PANK4: variants seen among roughly 807,000 people sequenced by gnomAD.
The protein encoded by PANK4 is pantothenate kinase 4 (inactive).
A neutral mutation model predicts 87.9 loss-of-function variants in PANK4; 40 were observed. That is an observed-to-expected ratio of 0.46 (90% CI 0.35 to 0.59). The LOEUF (loss-of-function observed/expected upper bound fraction) is 0.59. Among genes scored for constraint, PANK4 ranks in the 20% least tolerant of loss-of-function variants. The pLI, the probability that PANK4 is intolerant of heterozygous loss-of-function variation, is 0.00. For synonymous variants in PANK4, 524 were observed against 467.4 expected, an observed-to-expected ratio of 1.12 and a Z score of -1.56; for missense variants, 926 against 1,072.3, an observed-to-expected ratio of 0.86 and a Z score of 1.90.
In PANK4 at chr1:2,521,521, G is replaced by A. The variant is rs1643875118; in HGVS notation, c.207+197C>T. ...AGGAGCGGAAGCCTCTCCCGGGGGAGCACAGGCGGGCGCAGGTTCCTACAA... is the reference window on the plus strand; with the variant it reads ...AGGAGCGGAAGCCTCTCCCGGGGGAACACAGGCGGGCGCAGGTTCCTACAA... On this transcript the variant is annotated intron_variant, in intron 2 of 18. Coordinates refer to ENST00000378466, the MANE Select transcript of PANK4 (RefSeq NM_018216.4). 4.3e-6 allele frequency: 3 copies of A among 689,730 alleles called. No homozygotes were observed. The Admixed American group carries it at 6.6e-5, about 15-fold the overall frequency. The allele number at this position is 689,730 out of a possible 1,614,324, so 42.7% of individuals were successfully genotyped here.
In PANK4 at chr1:2,520,155, C is replaced by A. The variant is rs1643862905; in HGVS notation, c.699+167G>T. On this transcript the variant is annotated intron_variant, in intron 5 of 18. Transcript: ENST00000378466. This position sits in a 1 kb window ranked among gnomAD's most constrained non-coding sequence, Gnocchi z 6.2. ...AGAAGCTCTGGGTTGCTGGGACACC[C>A]AACCCTCAGGGCGCAAAGAGTGAAG... is the stretch of plus-strand genomic sequence containing the variant. 6.6e-6 allele frequency among the ~76,000 whole-genome samples: 1 copy of A among 152,214 alleles called. No homozygotes were observed. Among genetic ancestry groups the A allele is most frequent in the Non-Finnish European group, 1.5e-5 (1 of 68,032 alleles).
Position 2,515,606 on chromosome 1 carries a change from C to A in PANK4, c.1330G>T (p.Ala444Ser). The change falls in exon 10 of 19, where the codon GCC becomes TCC. Residue 444 changes from alanine (A) to serine (S), a missense_variant. Ala to Ser is a moderately conservative substitution (Grantham distance 99, BLOSUM62 1). Coordinates refer to ENST00000378466, the MANE Select transcript of PANK4 (RefSeq NM_018216.4). The surrounding 1 kb of genome is among the most constrained non-coding windows in gnomAD (Gnocchi z 5.0). The stretch of plus-strand genomic sequence containing the variant: ...AAGCAGGTGAGCCAGTATTTTCGGG[C>A]CAGAGCGTCATCGGTGAGGTCCACC... ...DTVDLTDDALARKYWLTCFEE... is the reference protein window; with the variant it reads ...DTVDLTDDALSRKYWLTCFEE... 1 of 1,613,278 alleles carries A rather than the reference C, an allele frequency of 6.2e-7. No individual in the cohort carries two copies. The highest frequency in any genetic ancestry group is 8.5e-7 in the Non-Finnish European group (1 of 1,179,998).
chr1:2,518,437 G>A, intron 8 of PANK4, 79 bp downstream of exon 8: 4 of 1,296,618 alleles, frequency 3.1e-6, no homozygotes, highest in Non-Finnish European at 4.4e-6. Flanking sequence ...CTCCACCCTG[G>A]GCCGCCCTGG....
At chr1:2,526,402 G>A in intron 1 of PANK4, 62 bp downstream of exon 1, 1 of 437,216 alleles carries the variant, frequency 2.3e-6, no homozygotes, top group East Asian at 1.6e-4. Context: ...CCCGCTCGCC[G>A]GCCCACCGCC....
chr1:2,515,302 G>A lies in PANK4; in HGVS notation c.1374+260C>T. 2.9e-6 allele frequency: 2 copies of A among 678,386 alleles called. No homozygotes were observed. The highest frequency in any genetic ancestry group is 2.8e-5 in the East Asian group (1 of 35,164). 42.0% of individuals were successfully genotyped at this position (678,386 alleles called of 1,614,324 possible). On this transcript the variant is annotated intron_variant, in intron 10 of 18. Coordinates refer to ENST00000378466, the MANE Select transcript of PANK4 (RefSeq NM_018216.4). This position sits in a 1 kb window ranked among gnomAD's most constrained non-coding sequence, Gnocchi z 5.0. The stretch of plus-strand genomic sequence containing the variant: ...CTCCTAAATTGCTTTTTGAAGGAAT[G>A]TGCTAGCTAGCAGAACTATCAGCTG...
rs2100769280 is a variant in PANK4, at chr1:2,510,395, C to G, written c.1939-238G>C. On this transcript the variant is annotated intron_variant, in intron 16 of 18. Coordinates refer to ENST00000378466, the MANE Select transcript of PANK4 (RefSeq NM_018216.4). This position sits in a 1 kb window ranked among gnomAD's most constrained non-coding sequence, Gnocchi z 4.9. ...GAGCCTGCCCCTGGGACCTGCCTGT[C>G]TGTGAAGTCACAGCCCCAAAGCCTC... 2.0e-6 allele frequency: 1 copy of G among 492,860 alleles called. No homozygotes were observed. The highest frequency in any genetic ancestry group is 2.3e-5 in the South Asian group (1 of 42,662). 30.5% of individuals were successfully genotyped at this position (492,860 alleles called of 1,614,324 possible).
intron 1 of PANK4, 179 bp from the exon 2 acceptor site, chr1:2,521,979 CA>C (rs1557448382): frequency 1.7e-6 from 1 of 587,656 alleles, no homozygotes; most frequent in East Asian, 2.8e-5. Context: ...AACGAACAAT[CA>C]AATCTACACT....
rs2100769257 is a variant in PANK4 at position 2,510,380 on chromosome 1, C to T, written c.1939-223G>A. ...GCAGAGCTGAGTTTAGAGCCTGCCC[C>T]TGGGACCTGCCTGTCTGTGAAGTCA... On this transcript the variant is annotated intron_variant, in intron 16 of 18. Coordinates refer to ENST00000378466, the MANE Select transcript of PANK4 (RefSeq NM_018216.4). This position sits in a 1 kb window ranked among gnomAD's most constrained non-coding sequence, Gnocchi z 4.9. 3.4e-6 allele frequency: 2 copies of T among 580,184 alleles called. No individual in the cohort carries two copies. The highest frequency in any genetic ancestry group is 2.0e-5 in the South Asian group (1 of 49,544). 35.9% of individuals were successfully genotyped at this position (580,184 alleles called of 1,614,324 possible).
In PANK4 at chr1:2,521,000, T is replaced by C. The variant is rs1033801135; in HGVS notation, c.423-94A>G. On this transcript the variant is annotated intron_variant, in intron 3 of 18. Transcript: ENST00000378466. The surrounding 1 kb of genome is among the most constrained non-coding windows in gnomAD (Gnocchi z 6.2). Reference sequence around the variant, plus strand: ...GGTCCGAAGGGGCAGCCATGCCCCATGCGCAATCTGACACACGAGCGCCAG... The same window carrying C: ...GGTCCGAAGGGGCAGCCATGCCCCACGCGCAATCTGACACACGAGCGCCAG... 55 of 1,528,374 alleles carry C rather than the reference T, an allele frequency of 3.6e-5. No homozygotes were observed. The highest frequency in any genetic ancestry group is 4.4e-5 in the Non-Finnish European group (49 of 1,114,020). 94.7% of individuals were successfully genotyped at this position (1,528,374 alleles called of 1,614,324 possible).
At chr1:2,522,653 GAA>G (rs1259155820) in intron 1 of PANK4, among the ~76,000 whole-genome samples, 2 of 149,858 alleles carry the variant, frequency 1.3e-5, no homozygotes, top group Non-Finnish European at 3.0e-5. Context: ...ATGACAAATA[GAA>G]AAAGAAACAA....
At position 2,509,115 on chromosome 1, in the gene PANK4, C is replaced by T; in HGVS notation, c.2109-55G>A. 9 of 1,396,092 alleles carry T rather than the reference C, an allele frequency of 6.4e-6. No homozygotes were observed. The South Asian group carries it at 1.1e-4, about 17-fold the overall frequency. The allele number at this position is 1,396,092 out of a possible 1,614,324, so 86.5% of individuals were successfully genotyped here. The stretch of plus-strand genomic sequence containing the variant: ...GGCAAGCAGACCCCAGACCCCACTT[C>T]CCATACAGTGCGGCGACCAACGTGA... On this transcript the variant is annotated intron_variant, in intron 18 of 18. Transcript: ENST00000378466. The surrounding 1 kb of genome is among the most constrained non-coding windows in gnomAD (Gnocchi z 4.9).
Position 2,515,026 on chromosome 1 carries a change from C to G in PANK4, c.1374+536G>C, listed in dbSNP as rs1375764803. On this transcript the variant is annotated intron_variant, in intron 10 of 18. Transcript: ENST00000378466. This position sits in a 1 kb window ranked among gnomAD's most constrained non-coding sequence, Gnocchi z 5.0. ...CAAACCCTGGCACGACCCGGCCTCT[C>G]CGAGGGCTTCGTGAAGAGTGCGTGT... Among the ~76,000 whole-genome samples, 1 of 152,186 alleles carries G rather than the reference C, an allele frequency of 6.6e-6. No homozygotes were observed. Among genetic ancestry groups the G allele is most frequent in the Non-Finnish European group, 1.5e-5 (1 of 68,030 alleles).
intron 10 of PANK4, 85 bp from the exon 11 acceptor site, chr1:2,514,551 G>A: frequency 2.2e-6 from 2 of 927,322 alleles, no homozygotes; most frequent in South Asian, 1.4e-5. Flanking sequence ...GCTCGGGGAA[G>A]GGTGGGGGTC....
chr1:2,514,715 G>C (rs1461995398), intron 10 of PANK4, among the ~76,000 whole-genome samples: 6 of 148,836 alleles, frequency 4.0e-5, no homozygotes, highest in African/African-American at 1.5e-4. Flanking sequence ...GGGGACTCGG[G>C]CAGGGTGGGG....
chr1:2,511,514 C>T, intron 14 of PANK4, 114 bp downstream of exon 14: 1 of 1,075,084 alleles, frequency 9.3e-7, no homozygotes, highest in South Asian at 1.3e-5. Flanking sequence ...GCTGACAGAG[C>T]CTTGAGCAGG....
rs907918278 is a variant in PANK4 at position 2,516,758 on chromosome 1, C to T, written c.1219-1041G>A. The stretch of plus-strand genomic sequence containing the variant: ...TTCCCAAAGCCAGTGCAGAAGGCGG[C>T]AGGAGCCCCACCTTAACTACCACGG... On this transcript the variant is annotated intron_variant, in intron 9 of 18. Coordinates refer to ENST00000378466, the MANE Select transcript of PANK4 (RefSeq NM_018216.4). Among the ~76,000 whole-genome samples, 7 of 152,380 alleles carry T rather than the reference C, an allele frequency of 4.6e-5. No homozygotes were observed. In the South Asian group the frequency reaches 1.4e-3, roughly 32 times the overall value.
At position 2,518,212 on chromosome 1, in the gene PANK4, C is replaced by G. The variant is rs1176237916; in HGVS notation, c.1170G>C (p.Met390Ile). 5 of 1,611,612 alleles carry G rather than the reference C, an allele frequency of 3.1e-6. No homozygotes were observed. Among genetic ancestry groups the G allele is most frequent in the Non-Finnish European group, 4.2e-6 (5 of 1,179,758 alleles). The change falls in exon 9 of 19, where the codon ATG becomes ATC. Residue 390 changes from methionine to isoleucine, a missense_variant. By Grantham distance (10) the Met-to-Ile change is conservative (BLOSUM62 1). Coordinates refer to ENST00000378466, the MANE Select transcript of PANK4 (RefSeq NM_018216.4). ...CCGGGCCGAGCTCGGGTGATGCACT[C>G]ATCAGCCCGGAGCTGCCTGCATAGT... is the stretch of plus-strand genomic sequence containing the variant. ...GENYAGSSGL[M>I]SASPELGPAQ...
chr1:2,522,527 G>A (rs1380925257), intron 1 of PANK4, among the ~76,000 whole-genome samples: 1 of 152,088 alleles, frequency 6.6e-6, no homozygotes, highest in Non-Finnish European at 1.5e-5. Context: ...CAGATTTCAG[G>A]GAAAAGTGAA....
rs1643713750 is a variant in PANK4 at position 2,514,080 on chromosome 1, C to T, written c.1497G>A (p.Gly499=). The part of the protein sequence containing the change: ...QTLRQQPFAY[G]TLTVRSLLDT... Reference sequence around the variant, plus strand: ...CCAGCAGGCTGCGCACGGTCAGGGTCCCATAGGCGCTGGGGACAGACACGG... The same window carrying T: ...CCAGCAGGCTGCGCACGGTCAGGGTTCCATAGGCGCTGGGGACAGACACGG... Residue 499 remains glycine, a synonymous_variant, in exon 12 of 19, where the codon GGG becomes GGA. Coordinates refer to ENST00000378466, the MANE Select transcript of PANK4 (RefSeq NM_018216.4). 13 of 1,612,146 alleles carry T rather than the reference C, an allele frequency of 8.1e-6. No homozygotes were observed. Among genetic ancestry groups the T allele is most frequent in the African/African-American group, 1.3e-5 (1 of 74,928 alleles).
Sources: allele counts gnomAD v4.1 joint callset (sites outside exome capture counted in the v4.1 genomes callset), GRCh38; gene constraint gnomAD v4.1.1; non-coding constraint Gnocchi (gnomAD v3.1); transcripts MANE v1.5; gene names NCBI Gene and HGNC (gene_info 2026-07-23, HGNC 2026-07-21).